The following TMEM131L variants were observed in gnomAD, a reference collection of about 807,000 sequenced individuals.
TMEM131L encodes transmembrane 131 like.
A neutral mutation model predicts 192.2 loss-of-function variants in TMEM131L; 54 were observed. That is an observed-to-expected ratio of 0.28 (90% confidence interval 0.23 to 0.35). TMEM131L has a LOEUF of 0.35. Ranked by LOEUF, TMEM131L falls within the 10% of genes least tolerant of loss-of-function variation. The pLI is 1.00. For missense variants in TMEM131L, 1,888 were observed against 1,972.9 expected (o/e 0.96, Z 0.82); for synonymous variants, 701 against 704.9 (o/e 0.99, Z 0.09).
At chr4:153,610,013 T>C (rs1732505726) in intron 25 of TMEM131L, among the ~76,000 whole-genome samples, 1 of 152,206 alleles carries the variant, frequency 6.6e-6, no homozygotes. Context: ...GGAATTAAAT[T>C]TCAAAGGTGA....
intron 3 of TMEM131L, among the ~76,000 whole-genome samples, chr4:153,531,587 C>G (rs115429743): frequency 0.012 from 1,879 of 152,252 alleles, 45 homozygotes; most frequent in African/African-American, 0.043. Flanking sequence ...ATTCATGTGA[C>G]TACCTTATTA....
chr4:153,485,076 A>G (rs1295365763), intron 3 of TMEM131L, among the ~76,000 whole-genome samples: 1 of 147,352 alleles, frequency 6.8e-6, no homozygotes, highest in Non-Finnish European at 1.5e-5. Context: ...CCGAGATCAC[A>G]CCACTGTACT....
intron 3 of TMEM131L, among the ~76,000 whole-genome samples, chr4:153,504,307 GTC>G (rs1397808971): frequency 1.2e-5 from 1 of 83,930 alleles, no homozygotes; most frequent in Non-Finnish European, 2.2e-5. Flanking sequence ...TGGAGACAGA[GTC>G]TCGCCTGTTG....
intron 3 of TMEM131L, among the ~76,000 whole-genome samples, chr4:153,491,197 G>C (rs1732756859): frequency 6.6e-6 from 1 of 152,086 alleles, no homozygotes. Context: ...TTTGAATTGG[G>C]GATAAAAGGG....
At chr4:153,483,312 A>T (rs1009540142) in intron 3 of TMEM131L, among the ~76,000 whole-genome samples, 1 of 152,232 alleles carries the variant, frequency 6.6e-6, no homozygotes, top group East Asian at 1.9e-4. Flanking sequence ...ATTTATTGCT[A>T]CATGTCATAA....
chr4:153,602,432 T>C, intron 22 of TMEM131L, 94 bp downstream of exon 22: 8 of 1,529,242 alleles, frequency 5.2e-6, no homozygotes, highest in Non-Finnish European at 6.3e-6. Flanking sequence ...TCTTATGTTG[T>C]TTTAATGTAA....
At chr4:153,486,769 C>T (rs903177578) in intron 3 of TMEM131L, among the ~76,000 whole-genome samples, 3 of 152,356 alleles carry the variant, frequency 2.0e-5, no homozygotes, top group Admixed American at 6.5e-5. Flanking sequence ...TTGAACCACT[C>T]ACCCACCCAC....
intron 2 of TMEM131L, among the ~76,000 whole-genome samples, chr4:153,468,797 A>T (rs541419226): frequency 6.6e-6 from 1 of 151,592 alleles, no homozygotes; most frequent in Non-Finnish European, 1.5e-5. Flanking sequence ...ACATTGCTAG[A>T]TGTCCCTGGG....
rs1201599707 is a variant in TMEM131L at position 153,604,374 on chromosome 4, G to A, written c.3362G>A (p.Arg1121Lys). Residue 1121 changes from arginine to lysine, a missense_variant, in exon 25 of 35, where the codon AGA becomes AAA. Coordinates refer to ENST00000409959, the MANE Select transcript of TMEM131L (RefSeq NM_001131007.2). ...SKKLPENHLP[R>K]NSPQYHQPDL... ...AAACTACCTGAAAACCATTTACCAAGAAACTCACCTCAGTACCACCAGCCA... is the reference window on the plus strand; with the variant it reads ...AAACTACCTGAAAACCATTTACCAAAAAACTCACCTCAGTACCACCAGCCA... 4 of 1,613,380 alleles carry A rather than the reference G, an allele frequency of 2.5e-6. No individual in the cohort carries two copies. The highest frequency in any genetic ancestry group is 3.4e-6 in the Non-Finnish European group (4 of 1,179,812).
intron 3 of TMEM131L, among the ~76,000 whole-genome samples, chr4:153,485,268 C>T (rs1732248040): frequency 1.3e-5 from 2 of 151,876 alleles, no homozygotes; most frequent in Non-Finnish European, 2.9e-5. Context: ...GCGTTGCCTT[C>T]TCTAACATAC....
chr4:153,584,997 G>T (rs2150771855), intron 12 of TMEM131L, 66 bp downstream of exon 12: 2 of 1,245,490 alleles, frequency 1.6e-6, no homozygotes, highest in South Asian at 1.2e-5. Flanking sequence ...CTCTAGAAAT[G>T]GTTTAAAAAT....
At chr4:153,538,225 C>T (rs1736491276) in intron 3 of TMEM131L, among the ~76,000 whole-genome samples, 1 of 152,182 alleles carries the variant, frequency 6.6e-6, no homozygotes, top group African/African-American at 2.4e-5. Flanking sequence ...CCTGTGTGCT[C>T]CTTCTAGCAC....
intron 3 of TMEM131L, among the ~76,000 whole-genome samples, chr4:153,523,275 A>T (rs1477154870): frequency 2.6e-5 from 4 of 152,158 alleles, no homozygotes; most frequent in Non-Finnish European, 5.9e-5. Flanking sequence ...TTTTAAGTGG[A>T]AGTATTTGTG....
intron 3 of TMEM131L, among the ~76,000 whole-genome samples, chr4:153,483,472 G>T (rs900500374): frequency 2.0e-5 from 3 of 152,128 alleles, no homozygotes; most frequent in Non-Finnish European, 2.9e-5. Flanking sequence ...GAGGTGGGAG[G>T]ATCGGCTTGA....
At chr4:153,531,175 C>T (rs1735873741) in intron 3 of TMEM131L, among the ~76,000 whole-genome samples, 1 of 152,298 alleles carries the variant, frequency 6.6e-6, no homozygotes, top group African/African-American at 2.4e-5. Flanking sequence ...TGCATGTACA[C>T]TGGAATTGTC....
intron 31 of TMEM131L, among the ~76,000 whole-genome samples, chr4:153,631,791 C>T (rs536360652): frequency 8.5e-5 from 13 of 152,300 alleles, no homozygotes; most frequent in African/African-American, 2.4e-4. Context: ...GCTCCCAATC[C>T]GCTCTCTATA....
intron 3 of TMEM131L, among the ~76,000 whole-genome samples, chr4:153,521,270 T>C (rs1220043192): frequency 6.6e-6 from 1 of 152,154 alleles, no homozygotes; most frequent in Non-Finnish European, 1.5e-5. Context: ...GCTGATATCA[T>C]TGAGAAGGGG....
rs772005927 is a variant in TMEM131L, at chr4:153,580,918, G to A, written c.738+15G>A. 1 of 1,546,244 alleles carries A rather than the reference G, an allele frequency of 6.5e-7. No homozygotes were observed. Among genetic ancestry groups the A allele is most frequent in the South Asian group, 1.1e-5 (1 of 89,508 alleles). On this transcript the variant is annotated intron_variant, in intron 8 of 34. Coordinates refer to ENST00000409959, the MANE Select transcript of TMEM131L (RefSeq NM_001131007.2). ...AGCAATTAAAGGTAAAATAAAATGTGTAGTGTTTTCTCTCTGCTTTCCTCC... is the reference window on the plus strand; with the variant it reads ...AGCAATTAAAGGTAAAATAAAATGTATAGTGTTTTCTCTCTGCTTTCCTCC...
At chr4:153,558,392 A>G in intron 7 of TMEM131L, 24 bp downstream of exon 7, 1 of 1,422,504 alleles carries the variant, frequency 7.0e-7, no homozygotes, top group Non-Finnish European at 9.9e-7. Context: ...ATTTACTTTG[A>G]ATGCTGGTGG....
Sources: allele counts gnomAD v4.1 joint callset (sites outside exome capture counted in the v4.1 genomes callset), GRCh38; gene constraint gnomAD v4.1.1; transcripts MANE v1.5; gene names NCBI Gene and HGNC (gene_info 2026-07-23, HGNC 2026-07-21).